The following FAM135B variants were observed in gnomAD, a reference collection of about 807,000 sequenced individuals.
The protein encoded by FAM135B is family with sequence similarity 135 member B.
FAM135B carries 43 observed loss-of-function variants against 127.7 expected under a neutral mutation model. That is an observed-to-expected ratio of 0.34 (90% CI 0.26 to 0.43). The LOEUF (loss-of-function observed/expected upper bound fraction) is 0.43, where lower values mean the gene tolerates loss of function less well. FAM135B is among the 20% of genes least tolerant of loss of function. The probability of loss-of-function intolerance (pLI) is 1.00; values close to 1 mark genes in which losing one functional copy is unlikely to be tolerated. For synonymous variants in FAM135B, 670 were observed against 665.1 expected (o/e 1.01, Z -0.11); for missense variants, 1,558 against 1,725.6 (o/e 0.90, Z 1.72).
chr8:138,444,887 A>C (rs1057052087), intron 1 of FAM135B, among the ~76,000 whole-genome samples: 2 of 152,226 alleles, frequency 1.3e-5, no homozygotes, highest in Admixed American at 1.3e-4. Flanking sequence ...AAAGATCAAC[A>C]AAATTGATAG....
chr8:138,328,920 T>C (rs1827986724), intron 2 of FAM135B, among the ~76,000 whole-genome samples: 1 of 152,212 alleles, frequency 6.6e-6, no homozygotes, highest in South Asian at 2.1e-4. Context: ...ATATACTGTA[T>C]GTACTCAGAA....
At chr8:138,191,476 T>C (rs969612733) in intron 9 of FAM135B, among the ~76,000 whole-genome samples, 1 of 152,180 alleles carries the variant, frequency 6.6e-6, no homozygotes, top group African/African-American at 2.4e-5. Context: ...CATCCATTCA[T>C]TCTAGCATTT....
At position 138,178,706 on chromosome 8, in the gene FAM135B, AGGT is replaced by A. The variant is rs1259747238; in HGVS notation, c.874-19_874-17del. The A allele has an allele frequency of 6.2e-7, 1 of 1,612,908 alleles. No individual in the cohort carries two copies. The highest frequency in any genetic ancestry group is 1.7e-5 in the Admixed American group (1 of 59,958). On this transcript the variant is annotated splice_polypyrimidine_tract_variant and intron_variant, in intron 9 of 19. Transcript: ENST00000395297. The stretch of plus-strand genomic sequence containing the variant: ...TGTTCAACATCTGGAGAGGCAAAAA[AGGT>A]GGTATTCAAGGCTCCTGACTCCATG...
intron 7 of FAM135B, among the ~76,000 whole-genome samples, chr8:138,234,006 T>C (rs1311094145): frequency 6.6e-6 from 1 of 152,136 alleles, no homozygotes; most frequent in Non-Finnish European, 1.5e-5. Context: ...CTCATTGTCA[T>C]CACGTGACAT....
In FAM135B at chr8:138,153,184, C is replaced by A. The variant is rs765730219; in HGVS notation, c.1291G>T (p.Val431Phe). The change falls in exon 13 of 20, where the codon GTT becomes TTT. Residue 431 changes from valine (V) to phenylalanine (F), a missense_variant. Val to Phe is a conservative substitution (Grantham distance 50). Transcript: ENST00000395297. ...HNLSVYPNFD[V>F]PVTSPTIMNL... ...ATTATTGTAGGACTTGTCACTGGAACATCAAAATTAGGATAAACACTCAAG... is the reference window on the plus strand; with the variant it reads ...ATTATTGTAGGACTTGTCACTGGAAAATCAAAATTAGGATAAACACTCAAG... The A allele has an allele frequency of 6.3e-7, 1 of 1,585,426 alleles. No homozygotes were observed. The highest frequency in any genetic ancestry group is 8.6e-7 in the Non-Finnish European group (1 of 1,163,414).
At chr8:138,166,955 C>T (rs180886771) in intron 12 of FAM135B, among the ~76,000 whole-genome samples, 1 of 151,936 alleles carries the variant, frequency 6.6e-6, no homozygotes, top group Non-Finnish European at 1.5e-5. Context: ...GAGAAGATAC[C>T]ATCCCATTGT....
Position 138,132,753 on chromosome 8 carries a change from A to T in FAM135B, c.4061T>A (p.Val1354Asp). Residue 1354 changes from valine to aspartate, a missense_variant, in exon 20 of 20, where the codon GTT (valine) becomes GAT (aspartate). By Grantham distance (152) the Val-to-Asp change is radical. Around this residue, in one of 5 missense-constraint regions of FAM135B, gnomAD observed 194 missense variants for 333.8 expected, o/e 0.58. Transcript: ENST00000395297. The surrounding 1 kb of genome is among the most constrained non-coding windows in gnomAD (Gnocchi z 4.5). ...GATTAAAGTGCAGTCCTTGGCTTCA[A>T]CCAGAGGGCCCAGGAGGTTGTTGAT... ...EMINNLLGPL[V>D]EAKDCTLIRH... The T allele has an allele frequency of 6.2e-7, 1 of 1,614,200 alleles. No individual in the cohort carries two copies. The highest frequency in any genetic ancestry group is 1.3e-5 in the African/African-American group (1 of 75,060).
At chr8:138,269,759 T>C (rs1052806534) in intron 3 of FAM135B, among the ~76,000 whole-genome samples, 3 of 152,198 alleles carry the variant, frequency 2.0e-5, no homozygotes, top group Non-Finnish European at 4.4e-5. Flanking sequence ...CATGCCTTAC[T>C]TAATTTCCAT....
chr8:138,379,494 A>G (rs970012840), intron 1 of FAM135B, among the ~76,000 whole-genome samples: 7 of 152,192 alleles, frequency 4.6e-5, no homozygotes, highest in Admixed American at 2.0e-4. Flanking sequence ...TTTGCATAAC[A>G]AAGATGAGCT....
chr8:138,140,909 C>T (rs1052486381), intron 17 of FAM135B, among the ~76,000 whole-genome samples: 4 of 152,184 alleles, frequency 2.6e-5, no homozygotes, highest in Admixed American at 2.0e-4. Context: ...CTGTTCTCTT[C>T]ATCACAACAC....
intron 13 of FAM135B, among the ~76,000 whole-genome samples, chr8:138,150,666 CAATAAATAAATAAATA>C (rs71316324): frequency 2.2e-5 from 1 of 44,776 alleles, no homozygotes. Flanking sequence ...GACTCTGTCT[CAATAAATAAATAAATA>C]AATAAATAAA....
chr8:138,446,970 C>T (rs1836204657), intron 1 of FAM135B, among the ~76,000 whole-genome samples: 1 of 152,154 alleles, frequency 6.6e-6, no homozygotes, highest in African/African-American at 2.4e-5. Context: ...AAAAAACAAA[C>T]AACCCCATCA....
intron 1 of FAM135B, among the ~76,000 whole-genome samples, chr8:138,413,071 A>C (rs1415738757): frequency 6.6e-6 from 1 of 152,174 alleles, no homozygotes; most frequent in Admixed American, 6.5e-5. Context: ...TTTTAATTTG[A>C]AAGTTTTATA....
intron 1 of FAM135B, among the ~76,000 whole-genome samples, chr8:138,391,795 C>T (rs1271239830): frequency 6.6e-6 from 1 of 152,116 alleles, no homozygotes. Context: ...TATCATCATC[C>T]CCATTTACAG....
At chr8:138,407,148 C>G (rs1479434674) in intron 1 of FAM135B, among the ~76,000 whole-genome samples, 3 of 150,484 alleles carry the variant, frequency 2.0e-5, no homozygotes, top group Non-Finnish European at 3.0e-5. Context: ...GAGTGAACTC[C>G]CATTCACAAT....
chr8:138,178,142 GGAGGCT>G (rs1814658150), intron 10 of FAM135B, among the ~76,000 whole-genome samples: 2 of 151,978 alleles, frequency 1.3e-5, no homozygotes, highest in Admixed American at 1.3e-4. Context: ...CAGCTACTCG[GGAGGCT>G]GAGGCAGGGG....
At chr8:138,428,387 G>A (rs902153306) in intron 1 of FAM135B, among the ~76,000 whole-genome samples, 1 of 152,054 alleles carries the variant, frequency 6.6e-6, no homozygotes, top group Admixed American at 6.6e-5. Context: ...CAGAATGATA[G>A]ATCCAGACAT....
At chr8:138,448,535 G>C (rs1055741968) in intron 1 of FAM135B, among the ~76,000 whole-genome samples, 1 of 152,014 alleles carries the variant, frequency 6.6e-6, no homozygotes, top group African/African-American at 2.4e-5. Flanking sequence ...CCAGCCTTTA[G>C]ACTCAAACTG....
chr8:138,159,976 G>C (rs572372006), intron 12 of FAM135B, among the ~76,000 whole-genome samples: 11 of 152,312 alleles, frequency 7.2e-5, no homozygotes, highest in African/African-American at 2.2e-4. Context: ...TGTGACTAGA[G>C]AGTTAAGACA....
Sources: gnomAD v4.1 joint callset for allele counts (sites outside exome capture counted in the v4.1 genomes callset) on GRCh38, gnomAD v4.1.1 for gene constraint, gnomAD v4.1.1 regional missense constraint, Gnocchi (gnomAD v3.1) non-coding constraint, MANE v1.5 for transcripts, NCBI Gene and HGNC (gene_info 2026-07-23, HGNC 2026-07-21) for gene names.